ABCD3: variants seen among roughly 807,000 people sequenced by gnomAD.
ABCD3 encodes ATP binding cassette subfamily D member 3.
Under a neutral mutation model 105.5 loss-of-function variants are expected in ABCD3, and 41 were observed. The ratio of observed to expected loss-of-function variants is 0.39; its 90% confidence interval spans 0.30 to 0.50. The LOEUF is 0.50. ABCD3 is among the 20% of genes least tolerant of loss of function. The pLI, the probability that ABCD3 is intolerant of heterozygous loss-of-function variation, is 0.84. For missense variants in ABCD3, 622 were observed against 806.3 expected, an observed-to-expected ratio of 0.77 and a Z score of 2.77; for synonymous variants, 258 against 269.0, an observed-to-expected ratio of 0.96 and a Z score of 0.40.
intron 1 of ABCD3, among the ~76,000 whole-genome samples, chr1:94,421,257 T>G (rs1039191278): frequency 2.0e-5 from 3 of 152,184 alleles, no homozygotes; most frequent in South Asian, 2.1e-4. Context: ...TTATATACAT[T>G]GAAATGTACA....
chr1:94,487,862 AG>A (rs750857890), intron 12 of ABCD3, 29 bp from the exon 13 acceptor site: 81 of 1,606,564 alleles, frequency 5.0e-5, no homozygotes, highest in Non-Finnish European at 1.7e-6. Flanking sequence ...TAGAACTATA[AG>A]TAAAAACTAA....
At chr1:94,453,540 G>A (rs113294218) in intron 1 of ABCD3, among the ~76,000 whole-genome samples, 22 of 151,854 alleles carry the variant, frequency 1.4e-4, no homozygotes, top group African/African-American at 3.9e-4. Context: ...GGATGGTCTC[G>A]ATCTCCTGAC....
intron 8 of ABCD3, chr1:94,478,609 G>C: frequency 7.9e-7 from 1 of 1,260,578 alleles, no homozygotes. Context: ...CCAGCACTTT[G>C]GGAGGCTGAG....
At chr1:94,452,838 G>A (rs1260563435) in intron 1 of ABCD3, among the ~76,000 whole-genome samples, 1 of 152,084 alleles carries the variant, frequency 6.6e-6, no homozygotes, top group Non-Finnish European at 1.5e-5. Flanking sequence ...CCAGGTTCAA[G>A]TGATTCTCAT....
chr1:94,490,106 C>CA (rs1291181207), intron 15 of ABCD3, 131 bp downstream of exon 15: 1 of 782,492 alleles, frequency 1.3e-6, no homozygotes, highest in Non-Finnish European at 2.1e-6. Context: ...TTAGAGGTAT[C>CA]ATTGACCTAA....
At chr1:94,451,999 AC>A (rs1398503150) in intron 1 of ABCD3, among the ~76,000 whole-genome samples, 1 of 152,028 alleles carries the variant, frequency 6.6e-6, no homozygotes. Context: ...CCACTCTCAT[AC>A]CCACTGTCTT....
chr1:94,483,318 C>T, intron 10 of ABCD3, 79 bp downstream of exon 10: 2 of 1,005,026 alleles, frequency 2.0e-6, no homozygotes, highest in East Asian at 2.4e-5. Flanking sequence ...GGCCGACACA[C>T]ATACACACAC....
At chr1:94,462,689 G>A (rs1382620650) in intron 2 of ABCD3, among the ~76,000 whole-genome samples, 1 of 152,066 alleles carries the variant, frequency 6.6e-6, no homozygotes, top group Non-Finnish European at 1.5e-5. Flanking sequence ...GTTTGTCTTA[G>A]ATCATTTCTT....
In ABCD3 at chr1:94,424,868, C is replaced by G. The variant is rs1659402746; in HGVS notation, c.110+6280C>G. ...ACATACTGCTAGCATTTAAGTTCCA[C>G]AAAGGCAAGAATTTTTGTCTATTTT... On this transcript the variant is annotated intron_variant, in intron 1 of 22. Transcript: ENST00000370214. 2.0e-5 allele frequency among the ~76,000 whole-genome samples: 3 copies of G among 152,180 alleles called. No individual in the cohort carries two copies. In the South Asian group the frequency reaches 6.2e-4, roughly 32 times the overall value.
intron 8 of ABCD3, chr1:94,478,571 C>T (rs1259773789): frequency 1.3e-6 from 2 of 1,586,912 alleles, no homozygotes; most frequent in Non-Finnish European, 1.7e-6. Flanking sequence ...AATGTATTGG[C>T]CAGGCGTGGT....
At chr1:94,513,540 A>T in intron 21 of ABCD3, 1 of 152,206 alleles carries the variant, frequency 6.6e-6, no homozygotes, top group East Asian at 1.9e-4. Flanking sequence ...ATAAACTTAC[A>T]CATTAAATAC....
At chr1:94,401,831 A>G in the ABCD3 span, among the ~76,000 whole-genome samples, 3 of 152,210 alleles carry the variant, frequency 2.0e-5, no homozygotes, top group Admixed American at 2.0e-4. Context: ...TTTACATGCT[A>G]TAAAAGGCAC....
At chr1:94,491,134 G>A in intron 15 of ABCD3, 50 bp from the exon 16 acceptor site, 1 of 1,324,880 alleles carries the variant, frequency 7.5e-7, no homozygotes, top group African/African-American at 1.5e-5. Context: ...AGTTGTATTA[G>A]TTCCTTATAT....
rs181058159 is a variant in ABCD3, at chr1:94,450,771, G to A, written c.111-7836G>A. 1.7e-3 allele frequency among the ~76,000 whole-genome samples: 264 copies of A among 152,264 alleles called. 1 individual carries two copies. Among genetic ancestry groups the A allele is most frequent in the Middle Eastern group, 0.014 (4 of 294 alleles). Reference sequence around the variant, plus strand: ...AGTGCCGCTGGGTTAGGGTCTCCACGACTGAGCTAATCTCGGCAATTTTTA... The same window carrying A: ...AGTGCCGCTGGGTTAGGGTCTCCACAACTGAGCTAATCTCGGCAATTTTTA... On this transcript the variant is annotated intron_variant, in intron 1 of 22. Coordinates refer to ENST00000370214, the MANE Select transcript of ABCD3 (RefSeq NM_002858.4).
At chr1:94,411,357 A>G in the ABCD3 span, among the ~76,000 whole-genome samples, 2 of 152,222 alleles carry the variant, frequency 1.3e-5, no homozygotes, top group Non-Finnish European at 2.9e-5. Context: ...CAAATGGCCA[A>G]CAAGCACGTG....
At chr1:94,405,822 G>C in the ABCD3 span, among the ~76,000 whole-genome samples, 1 of 152,008 alleles carries the variant, frequency 6.6e-6, no homozygotes, top group South Asian at 2.1e-4. Flanking sequence ...TTATCAGTTA[G>C]GGATACTGAT....
intron 19 of ABCD3, 137 bp from the exon 20 acceptor site, chr1:94,499,358 C>T: frequency 3.9e-6 from 4 of 1,038,700 alleles, no homozygotes. Context: ...TACCTTGTGC[C>T]ACATTCTTTT....
At chr1:94,459,188 A>G (rs111569277) in intron 2 of ABCD3, among the ~76,000 whole-genome samples, 17 of 151,800 alleles carry the variant, frequency 1.1e-4, no homozygotes, top group African/African-American at 3.9e-4. Flanking sequence ...GGGACTGTAG[A>G]TGTGAGCCAC....
chr1:94,499,115 G>A (rs1187694967), intron 19 of ABCD3, 81 bp downstream of exon 19: 1 of 1,292,778 alleles, frequency 7.7e-7, no homozygotes, highest in East Asian at 2.3e-5. Context: ...TTAAATGCCA[G>A]GTAGTTTATC....
Sources: allele counts gnomAD v4.1 joint callset (sites outside exome capture counted in the v4.1 genomes callset), GRCh38; gene constraint gnomAD v4.1.1; transcripts MANE v1.5; gene names NCBI Gene and HGNC (gene_info 2026-07-23, HGNC 2026-07-21).